CCDC146: variants seen among roughly 807,000 people sequenced by gnomAD.
CCDC146 encodes the protein coiled-coil domain-containing protein 146.
CCDC146 carries 92 observed loss-of-function variants against 119.3 expected under a neutral mutation model. The ratio of observed to expected loss-of-function variants is 0.77; its 90% CI spans 0.65 to 0.92. CCDC146 has a LOEUF of 0.92. Ranked by LOEUF, CCDC146 falls within the 40% of genes least tolerant of loss-of-function variation. The probability of loss-of-function intolerance (pLI) is 0.00; values close to 1 mark genes in which losing one functional copy is unlikely to be tolerated. For synonymous variants in CCDC146, 372 were observed against 371.8 expected, an observed-to-expected ratio of 1.00 and a Z score of -0.01; for missense variants, 1,000 against 1,103.0, an observed-to-expected ratio of 0.91 and a Z score of 1.32.
chr7:77,294,422 A>G (rs1794005511), intron 18 of CCDC146, among the ~76,000 whole-genome samples: 1 of 148,340 alleles, frequency 6.7e-6, no homozygotes, highest in Non-Finnish European at 1.5e-5. Context: ...CCCAGGAATA[A>G]TGTGATGCTG....
At chr7:77,133,406 AG>A (rs1790814485) in intron 1 of CCDC146, among the ~76,000 whole-genome samples, 1 of 151,922 alleles carries the variant, frequency 6.6e-6, no homozygotes, top group Non-Finnish European at 1.5e-5. Flanking sequence ...GCTGGGGTGC[AG>A]TGGTGTGATC....
intron 4 of CCDC146, among the ~76,000 whole-genome samples, chr7:77,249,659 CTCTA>C (rs1461219945): frequency 6.6e-6 from 1 of 151,990 alleles, no homozygotes; most frequent in African/African-American, 2.4e-5. Flanking sequence ...GCATATCTTT[CTCTA>C]TCCATTTACT....
At chr7:77,212,950 A>ATTTTTTTTTTTTTTTTTT (rs5885013) in intron 2 of CCDC146, among the ~76,000 whole-genome samples, 1 of 111,286 alleles carries the variant, frequency 9.0e-6, no homozygotes, top group Admixed American at 9.0e-5. Flanking sequence ...GGTCACATTA[A>ATTTTTTTTTTTTTTTTTT]TTTTTTTTTT....
intron 1 of CCDC146, among the ~76,000 whole-genome samples, chr7:77,146,595 G>A (rs1791023572): frequency 6.6e-6 from 1 of 152,096 alleles, no homozygotes; most frequent in African/African-American, 2.4e-5. Context: ...GCTCTTTTAG[G>A]GAAAGCCTGG....
At chr7:77,143,242 G>A (rs887971665) in intron 1 of CCDC146, among the ~76,000 whole-genome samples, 23 of 151,380 alleles carry the variant, frequency 1.5e-4, no homozygotes, top group Non-Finnish European at 1.0e-4. Context: ...CATATCCTTC[G>A]CCCACTTGTT....
chr7:77,256,356 A>G lies in CCDC146; in HGVS notation c.531A>G (p.Ile177Met), dbSNP rs1316886923. 1 of 1,594,808 alleles carries G rather than the reference A, an allele frequency of 6.3e-7. No homozygotes were observed. Among genetic ancestry groups the G allele is most frequent in the Non-Finnish European group, 8.5e-7 (1 of 1,173,974 alleles). ...KPGEMEKKMK[I>M]LRESTEELRK... ...AGGAAATGGAGAAGAAGATGAAAATATTGAGAGAAAGCACTGAAGAATTAC... is the reference window on the plus strand; with the variant it reads ...AGGAAATGGAGAAGAAGATGAAAATGTTGAGAGAAAGCACTGAAGAATTAC... Residue 177 changes from isoleucine (I) to methionine (M), a missense_variant, in exon 6 of 19, where the codon ATA (isoleucine) becomes ATG (methionine). Coordinates refer to ENST00000285871, the MANE Select transcript of CCDC146 (RefSeq NM_020879.3).
intron 9 of CCDC146, among the ~76,000 whole-genome samples, chr7:77,268,307 A>G (rs1793446127): frequency 6.6e-6 from 1 of 152,096 alleles, no homozygotes; most frequent in Non-Finnish European, 1.5e-5. Flanking sequence ...TTTTGTCCTG[A>G]TCCATCATGA....
chr7:77,237,062 A>T, intron 3 of CCDC146, 33 bp downstream of exon 3: 3 of 1,550,172 alleles, frequency 1.9e-6, no homozygotes, highest in East Asian at 2.2e-5. Context: ...GACATGATTA[A>T]TCACCTTTAA....
intron 2 of CCDC146, among the ~76,000 whole-genome samples, chr7:77,179,468 G>GT (rs1315583999): frequency 2.9e-5 from 4 of 139,736 alleles, no homozygotes; most frequent in African/African-American, 9.4e-5. Context: ...TATACACACT[G>GT]TTTTTTTCAC....
At chr7:77,224,374 T>C (rs1372743658) in intron 2 of CCDC146, among the ~76,000 whole-genome samples, 2 of 152,192 alleles carry the variant, frequency 1.3e-5, no homozygotes, top group Non-Finnish European at 2.9e-5. Flanking sequence ...TTTCAGATCT[T>C]TCCTCCTTCT....
chr7:77,246,627 T>A (rs1792956421), intron 4 of CCDC146: 1 of 152,204 alleles, frequency 6.6e-6, no homozygotes, highest in African/African-American at 2.4e-5. Flanking sequence ...GAGAAAAAGA[T>A]ATAATGCATA....
intron 2 of CCDC146, among the ~76,000 whole-genome samples, chr7:77,179,453 T>C (rs187195290): frequency 1.3e-4 from 20 of 151,572 alleles, no homozygotes; most frequent in African/African-American, 4.6e-4. Flanking sequence ...TAAGTCTTAG[T>C]ATAATATACA....
intron 17 of CCDC146, among the ~76,000 whole-genome samples, chr7:77,287,908 G>T (rs141170417): frequency 6.6e-6 from 1 of 152,092 alleles, no homozygotes; most frequent in Non-Finnish European, 1.5e-5. Context: ...TAAGTGGAGC[G>T]CCTCACTTAT....
intron 18 of CCDC146, 28 bp from the exon 19 acceptor site, chr7:77,294,635 A>T (rs765007515): frequency 6.2e-7 from 1 of 1,605,094 alleles, no homozygotes; most frequent in South Asian, 1.1e-5. Context: ...TTTTCAGAGA[A>T]CTGAAAAGGA....
At chr7:77,210,589 C>G (rs2150447860) in intron 2 of CCDC146, among the ~76,000 whole-genome samples, 1 of 152,344 alleles carries the variant, frequency 6.6e-6, no homozygotes, top group South Asian at 2.1e-4. Context: ...AAAGCTGCTT[C>G]CACATTTTTA....
chr7:77,214,903 C>T (rs1792267755), intron 2 of CCDC146, among the ~76,000 whole-genome samples: 1 of 152,084 alleles, frequency 6.6e-6, no homozygotes, highest in Non-Finnish European at 1.5e-5. Context: ...TCAGGAGGCA[C>T]ATGATATTGG....
chr7:77,225,042 T>G (rs1241920233), intron 2 of CCDC146, among the ~76,000 whole-genome samples: 1 of 152,234 alleles, frequency 6.6e-6, no homozygotes, highest in Non-Finnish European at 1.5e-5. Context: ...GATTTTGTCT[T>G]GTTTGTTTTT....
chr7:77,282,637 A>G lies in CCDC146; in HGVS notation c.2000A>G (p.Asn667Ser). 3 of 1,612,722 alleles carry G rather than the reference A, an allele frequency of 1.9e-6. No individual in the cohort carries two copies. The highest frequency in any genetic ancestry group is 2.5e-6 in the Non-Finnish European group (3 of 1,178,692). The change falls in exon 15 of 19, where the codon AAT (asparagine) becomes AGT (serine). Residue 667 changes from asparagine (N) to serine (S), a missense_variant. Transcript: ENST00000285871. ...KINIQEKMKL[N>S]GEIEIHLLEE... is the part of the protein sequence containing the mutation. ...AATATCCAAGAGAAGATGAAACTAA[A>G]TGGAGAAATTGAAATACATCTACTG... is the stretch of plus-strand genomic sequence containing the variant.
chr7:77,252,940 C>T (rs529390769), intron 4 of CCDC146, among the ~76,000 whole-genome samples: 1 of 152,156 alleles, frequency 6.6e-6, no homozygotes, highest in Admixed American at 6.5e-5. Context: ...TCCAATGGCT[C>T]CAATCCAAAT....
Sources: gnomAD v4.1 joint callset for allele counts (sites outside exome capture counted in the v4.1 genomes callset) on GRCh38, gnomAD v4.1.1 for gene constraint, MANE v1.5 for transcripts, NCBI Gene and HGNC (gene_info 2026-07-23, HGNC 2026-07-21) for gene names.